The following ARMH3 variants were observed in gnomAD, a reference collection of about 807,000 sequenced individuals.
ARMH3 encodes armadillo like helical domain containing 3.
A neutral mutation model predicts 99.1 loss-of-function variants in ARMH3; 60 were observed. The observed-to-expected ratio is 0.61, with a 90% confidence interval of 0.49 to 0.75. The LOEUF (loss-of-function observed/expected upper bound fraction) is 0.75. ARMH3 is among the 30% of genes least tolerant of loss of function. ARMH3 has a pLI of 0.00. For synonymous variants in ARMH3, 285 were observed against 292.8 expected (o/e 0.97, Z 0.27); for missense variants, 679 against 843.1 (o/e 0.81, Z 2.41).
chr10:101,877,833 A>C (rs1473753582), intron 24 of ARMH3, among the ~76,000 whole-genome samples: 3 of 152,212 alleles, frequency 2.0e-5, no homozygotes, highest in Admixed American at 2.0e-4. Flanking sequence ...ACAGTGATAG[A>C]GATGAATAAT....
At chr10:102,019,049 T>C (rs2066816630) in intron 8 of ARMH3, among the ~76,000 whole-genome samples, 1 of 152,100 alleles carries the variant, frequency 6.6e-6, no homozygotes, top group South Asian at 2.1e-4. Flanking sequence ...GTATTTACTA[T>C]ACTATACTTT....
At chr10:102,009,750 C>A (rs989964079) in intron 12 of ARMH3, among the ~76,000 whole-genome samples, 3 of 152,138 alleles carry the variant, frequency 2.0e-5, no homozygotes, top group Non-Finnish European at 4.4e-5. Flanking sequence ...TGTTTCATTG[C>A]AGAGATAGTC....
rs549102675 is a variant in ARMH3 at position 102,003,511 on chromosome 10, A to T, written c.1049-1439T>A. Among the ~76,000 whole-genome samples the T allele has an allele frequency of 2.0e-5, 3 of 152,338 alleles. No individual in the cohort carries two copies. In the South Asian group the frequency reaches 6.2e-4, roughly 32 times the overall value. ...TCCCAAAATTCTAAGACTTTAAATT[A>T]GACTCAGACCTCTTGTTAAGTGCTT... On this transcript the variant is annotated intron_variant, in intron 14 of 25. Transcript: ENST00000370033.
chr10:101,895,939 T>C (rs1202231441), intron 23 of ARMH3, among the ~76,000 whole-genome samples: 3 of 152,280 alleles, frequency 2.0e-5, no homozygotes, highest in Admixed American at 2.0e-4. Flanking sequence ...CACAATGAGA[T>C]ACCACTTCAC....
At chr10:101,946,132 A>G (rs1175582522) in intron 22 of ARMH3, among the ~76,000 whole-genome samples, 3 of 150,784 alleles carry the variant, frequency 2.0e-5, no homozygotes, top group Non-Finnish European at 4.4e-5. Flanking sequence ...AATTACTCAT[A>G]AAGAACCAGA....
intron 23 of ARMH3, among the ~76,000 whole-genome samples, chr10:101,904,488 T>C (rs1031582540): frequency 6.6e-6 from 1 of 152,126 alleles, no homozygotes; most frequent in African/African-American, 2.4e-5. Context: ...CTTTGACTTG[T>C]TACTTAAAAA....
chr10:102,047,289 T>C (rs957791137), intron 1 of ARMH3, among the ~76,000 whole-genome samples: 10 of 152,110 alleles, frequency 6.6e-5, no homozygotes, highest in African/African-American at 1.9e-4. Context: ...CTCAACTTTA[T>C]AATGAATAGA....
intron 20 of ARMH3, among the ~76,000 whole-genome samples, chr10:101,966,726 G>T (rs1357450693): frequency 1.3e-5 from 2 of 152,080 alleles, no homozygotes. Flanking sequence ...TTGAATTCAG[G>T]AGGAGGGAAA....
intron 2 of ARMH3, among the ~76,000 whole-genome samples, chr10:102,035,457 G>A (rs528332195): frequency 9.9e-5 from 15 of 152,208 alleles, no homozygotes; most frequent in Non-Finnish European, 1.9e-4. Flanking sequence ...ATGCCGAGCC[G>A]AAGCTGGACT....
chr10:101,961,421 A>G (rs1845297089), intron 20 of ARMH3, among the ~76,000 whole-genome samples: 1 of 152,188 alleles, frequency 6.6e-6, no homozygotes. Flanking sequence ...GGATATGGAC[A>G]TTAAAGGGAG....
intron 23 of ARMH3, among the ~76,000 whole-genome samples, chr10:101,908,750 G>A (rs539120810): frequency 9.4e-5 from 14 of 148,574 alleles, no homozygotes; most frequent in South Asian, 6.5e-4. Context: ...TGCAAGCTCC[G>A]CCTCCCGAGT....
intron 24 of ARMH3, among the ~76,000 whole-genome samples, chr10:101,850,498 C>T (rs1280199005): frequency 1.3e-5 from 2 of 151,766 alleles, no homozygotes; most frequent in East Asian, 3.9e-4. Flanking sequence ...AATCTCAGCT[C>T]ACTGCAACCT....
At chr10:102,009,920 C>A in intron 12 of ARMH3, 57 bp downstream of exon 12, 2 of 1,505,944 alleles carry the variant, frequency 1.3e-6, no homozygotes, top group South Asian at 1.1e-5. Context: ...CTCTCATATC[C>A]AGCAGGACAG....
At chr10:101,920,583 G>T (rs898167587) in intron 23 of ARMH3, among the ~76,000 whole-genome samples, 5 of 152,120 alleles carry the variant, frequency 3.3e-5, no homozygotes, top group African/African-American at 1.2e-4. Context: ...GAGACTATGA[G>T]AATCCAAGTG....
chr10:101,911,507 C>T (rs559250875), intron 23 of ARMH3, among the ~76,000 whole-genome samples: 1 of 152,046 alleles, frequency 6.6e-6, no homozygotes, highest in Admixed American at 6.6e-5. Flanking sequence ...GGGACTGAGG[C>T]GGGAGGATGG....
chr10:102,054,785 C>G (rs2136313747), intron 1 of ARMH3, among the ~76,000 whole-genome samples: 1 of 151,502 alleles, frequency 6.6e-6, no homozygotes, highest in Admixed American at 6.6e-5. Context: ...CATCTGAGGT[C>G]AGAAGTTTGA....
At chr10:102,002,446 T>A (rs575204269) in intron 14 of ARMH3, among the ~76,000 whole-genome samples, 2 of 152,054 alleles carry the variant, frequency 1.3e-5, no homozygotes, top group Non-Finnish European at 2.9e-5. Context: ...GTATTGAATA[T>A]AAATGAGTTT....
chr10:102,033,360 C>T, intron 2 of ARMH3, 21 bp from the exon 3 acceptor site: 2 of 1,610,878 alleles, frequency 1.2e-6, no homozygotes, highest in Non-Finnish European at 1.7e-6. Flanking sequence ...AATATAAGCA[C>T]ATTCAGCCTT....
chr10:102,002,613 A>T (rs1280252059), intron 14 of ARMH3, among the ~76,000 whole-genome samples: 2 of 152,038 alleles, frequency 1.3e-5, no homozygotes. Flanking sequence ...ACCACTATTA[A>T]GTGGCAGACT....
Sources: gnomAD v4.1 joint callset for allele counts (sites outside exome capture counted in the v4.1 genomes callset) on GRCh38, gnomAD v4.1.1 for gene constraint, MANE v1.5 for transcripts, NCBI Gene and HGNC (gene_info 2026-07-23, HGNC 2026-07-21) for gene names.